UGGT2: variants seen among roughly 807,000 people sequenced by gnomAD.
The protein encoded by UGGT2 is UDP-glucose glycoprotein glucosyltransferase 2.
A neutral mutation model predicts 192.1 loss-of-function variants in UGGT2; 180 were observed. The ratio of observed to expected loss-of-function variants is 0.94; its 90% CI spans 0.83 to 1.06. The LOEUF is 1.06. UGGT2 is among the 50% of genes least tolerant of loss of function. The probability of loss-of-function intolerance (pLI) is 0.00; values close to 1 mark genes in which losing one functional copy is unlikely to be tolerated. For missense variants in UGGT2, 1,849 were observed against 1,795.7 expected (o/e 1.03, Z -0.54); for synonymous variants, 580 against 591.0 (o/e 0.98, Z 0.27).
At chr13:95,997,919 T>A (rs1445398676) in intron 6 of UGGT2, among the ~76,000 whole-genome samples, 1 of 152,210 alleles carries the variant, frequency 6.6e-6, no homozygotes, top group Non-Finnish European at 1.5e-5. Flanking sequence ...TTTGCTATGT[T>A]CTGAATTTTT....
intron 36 of UGGT2, among the ~76,000 whole-genome samples, chr13:95,843,197 G>C (rs1888043721): frequency 6.6e-6 from 1 of 152,150 alleles, no homozygotes; most frequent in Non-Finnish European, 1.5e-5. Flanking sequence ...TCGCCAAACT[G>C]ATTTTCAAAA....
rs1196840762 is a variant in UGGT2, at chr13:95,970,243, AT to A, written c.1203del (p.Lys401AsnfsTer2). The A allele has an allele frequency of 6.2e-7, 1 of 1,612,512 alleles. No individual in the cohort carries two copies. Among genetic ancestry groups the A allele is most frequent in the East Asian group, 2.2e-5 (1 of 44,766 alleles). ...YDAFSILDML[K>X]LEGKMMNGLR... Reference sequence around the variant, plus strand: ...AGGCCATTCATCATTTTTCCTTCTAATTTCAGCATATCCAAAATACTATATA... The same window carrying A: ...AGGCCATTCATCATTTTTCCTTCTAATTCAGCATATCCAAAATACTATATA... On this transcript the variant is annotated frameshift_variant, in exon 12 of 39. Transcript: ENST00000376747. LOFTEE classifies it high-confidence loss of function.
chr13:95,922,429 A>T (rs549672259), intron 20 of UGGT2, among the ~76,000 whole-genome samples: 1 of 146,854 alleles, frequency 6.8e-6, no homozygotes, highest in African/African-American at 2.5e-5. Flanking sequence ...CCATGTAACA[A>T]ATCTCCACAT....
intron 38 of UGGT2, among the ~76,000 whole-genome samples, chr13:95,816,732 G>C (rs987209912): frequency 6.6e-6 from 1 of 152,208 alleles, no homozygotes; most frequent in Non-Finnish European, 1.5e-5. Flanking sequence ...TGGAAAGGAA[G>C]GTTCTGCCAC....
intron 15 of UGGT2, among the ~76,000 whole-genome samples, chr13:95,945,588 T>C (rs984187810): frequency 5.3e-5 from 8 of 152,140 alleles, no homozygotes; most frequent in Non-Finnish European, 1.2e-4. Flanking sequence ...GATTCAATAT[T>C]GATAATTAAG....
intron 15 of UGGT2, 130 bp downstream of exon 15, chr13:95,946,907 C>T: frequency 1.0e-6 from 1 of 993,694 alleles, no homozygotes; most frequent in Non-Finnish European, 1.4e-6. Context: ...TATTAATCTC[C>T]ATGACAGTTT....
intron 29 of UGGT2, among the ~76,000 whole-genome samples, chr13:95,870,830 T>C (rs1295223518): frequency 6.6e-6 from 1 of 152,188 alleles, no homozygotes; most frequent in Non-Finnish European, 1.5e-5. Context: ...GGACCCTTAA[T>C]AGGTGATTAT....
In UGGT2 at chr13:95,935,982, A is replaced by C. The variant is rs977901428; in HGVS notation, c.1977+942T>G. ...GCTGGGACTAGAGGCACTCATCACCACACCTGGCTAAGTTTTAAGTTTTTT... is the reference window on the plus strand; with the variant it reads ...GCTGGGACTAGAGGCACTCATCACCCCACCTGGCTAAGTTTTAAGTTTTTT... On this transcript the variant is annotated intron_variant, in intron 17 of 38. Transcript: ENST00000376747. Among the ~76,000 whole-genome samples the C allele has an allele frequency of 2.0e-5, 3 of 152,226 alleles. No homozygotes were observed. The East Asian group carries it at 5.8e-4, about 29-fold the overall frequency.
chr13:95,986,225 T>A, intron 9 of UGGT2, 108 bp downstream of exon 9: 1 of 754,348 alleles, frequency 1.3e-6, no homozygotes, highest in South Asian at 1.6e-5. Flanking sequence ...AAGCTATATA[T>A]ACTAGAACTA....
Position 95,860,765 on chromosome 13 carries a change from A to G in UGGT2, c.3740+23T>C, listed in dbSNP as rs183914430. The G allele has an allele frequency of 3.6e-5, 49 of 1,374,742 alleles. 1 individual carries two copies. The Admixed American group carries it at 6.3e-4, about 18-fold the overall frequency. 85.2% of individuals were successfully genotyped at this position (1,374,742 alleles called of 1,614,324 possible). ...CATGTAAATATTTCTTTTTCAAAAT[A>G]TAAGGTTAAAAAATATACCTACCTT... On this transcript the variant is annotated intron_variant, in intron 32 of 38. Coordinates refer to ENST00000376747, the MANE Select transcript of UGGT2 (RefSeq NM_020121.4).
At chr13:95,988,689 G>A (rs1324868078) in intron 8 of UGGT2, among the ~76,000 whole-genome samples, 1 of 152,046 alleles carries the variant, frequency 6.6e-6, no homozygotes, top group East Asian at 1.9e-4. Flanking sequence ...GTATTAGGTA[G>A]GTAAAGAATA....
intron 20 of UGGT2, among the ~76,000 whole-genome samples, chr13:95,921,606 C>T (rs1170017704): frequency 1.3e-5 from 2 of 151,924 alleles, no homozygotes; most frequent in African/African-American, 2.4e-5. Flanking sequence ...ACAAAAACAA[C>T]CCCATTACAG....
chr13:95,896,813 T>C (rs9561971), intron 22 of UGGT2, among the ~76,000 whole-genome samples: 55,505 of 151,888 alleles, frequency 0.37, 10,458 homozygotes, highest in Middle Eastern at 0.42. Context: ...AACAATAAAC[T>C]TGAAAATTAT....
intron 8 of UGGT2, chr13:95,989,734 T>C (rs982253031): frequency 2.9e-5 from 9 of 310,014 alleles, no homozygotes; most frequent in Non-Finnish European, 3.6e-5. Context: ...TATATACTTT[T>C]GAAATAACAT....
intron 32 of UGGT2, among the ~76,000 whole-genome samples, chr13:95,860,431 A>G (rs1890050612): frequency 1.3e-5 from 2 of 149,988 alleles, no homozygotes; most frequent in Admixed American, 1.3e-4. Context: ...CCAATATTCC[A>G]AATCAAGCCA....
chr13:95,871,835 A>G (rs1483820331), intron 29 of UGGT2, among the ~76,000 whole-genome samples: 1 of 152,214 alleles, frequency 6.6e-6, no homozygotes, highest in Non-Finnish European at 1.5e-5. Context: ...AGAGTGAAGT[A>G]CAGCAATAGA....
intron 22 of UGGT2, among the ~76,000 whole-genome samples, chr13:95,895,758 C>T (rs2047927924): frequency 6.6e-6 from 1 of 152,014 alleles, no homozygotes; most frequent in Non-Finnish European, 1.5e-5. Flanking sequence ...GTACTCTACA[C>T]TATATAGACA....
intron 6 of UGGT2, among the ~76,000 whole-genome samples, 164 bp from the exon 7 acceptor site, chr13:95,996,299 C>G (rs897542849): frequency 4.6e-5 from 7 of 152,028 alleles, no homozygotes; most frequent in African/African-American, 1.7e-4. Flanking sequence ...CTCACGAGTT[C>G]AAGACCAGCC....
At chr13:96,046,812 G>C (rs2053325666) in intron 1 of UGGT2, among the ~76,000 whole-genome samples, 1 of 152,234 alleles carries the variant, frequency 6.6e-6, no homozygotes, top group African/African-American at 2.4e-5. Context: ...CGGCACACCA[G>C]GAGATTATAT....
Sources: gnomAD v4.1 joint callset for allele counts (sites outside exome capture counted in the v4.1 genomes callset) on GRCh38, gnomAD v4.1.1 for gene constraint, MANE v1.5 for transcripts, NCBI Gene and HGNC (gene_info 2026-07-23, HGNC 2026-07-21) for gene names.